Variants in DYNC1I1 observed in about 807,000 individuals in gnomAD.
The protein encoded by DYNC1I1 is dynein cytoplasmic 1 intermediate chain 1.
Under a neutral mutation model 86.6 loss-of-function variants are expected in DYNC1I1, and 43 were observed. The ratio of observed to expected loss-of-function variants is 0.50; its 90% CI spans 0.39 to 0.64. The LOEUF (loss-of-function observed/expected upper bound fraction) is 0.64. Ranked by LOEUF, DYNC1I1 falls within the 30% of genes least tolerant of loss-of-function variation. The pLI is 0.00. For synonymous variants in DYNC1I1, 262 were observed against 283.7 expected (o/e 0.92, Z 0.77); for missense variants, 604 against 788.8 (o/e 0.77, Z 2.81).
chr7:95,916,942 A>G (rs1355768611), intron 6 of DYNC1I1, among the ~76,000 whole-genome samples: 1 of 152,226 alleles, frequency 6.6e-6, no homozygotes, highest in African/African-American at 2.4e-5. Flanking sequence ...AAAGGCATCA[A>G]TAAAACCAGG....
At chr7:95,817,204 C>T (rs1363394535) in intron 4 of DYNC1I1, among the ~76,000 whole-genome samples, 1 of 144,606 alleles carries the variant, frequency 6.9e-6, no homozygotes, top group Non-Finnish European at 1.5e-5. Context: ...GGCAACATAA[C>T]ATCCAAGATT....
chr7:95,930,896 T>C (rs1478564042), intron 6 of DYNC1I1, among the ~76,000 whole-genome samples: 1 of 152,174 alleles, frequency 6.6e-6, no homozygotes, highest in Non-Finnish European at 1.5e-5. Flanking sequence ...CCATTGTTTC[T>C]TGTCTGTTAG....
chr7:95,847,598 G>C (rs559203915), intron 5 of DYNC1I1, among the ~76,000 whole-genome samples: 2 of 152,242 alleles, frequency 1.3e-5, no homozygotes, highest in East Asian at 3.9e-4. Context: ...ACTCCTCACT[G>C]TCTACAGCAT....
chr7:96,036,056 A>G (rs1373967614), intron 13 of DYNC1I1, among the ~76,000 whole-genome samples: 1 of 152,174 alleles, frequency 6.6e-6, no homozygotes, highest in Non-Finnish European at 1.5e-5. Context: ...CCCATCAGAG[A>G]TAACAATCCC....
At chr7:95,936,524 T>C (rs1330439845) in intron 6 of DYNC1I1, among the ~76,000 whole-genome samples, 1 of 151,432 alleles carries the variant, frequency 6.6e-6, no homozygotes, top group East Asian at 1.9e-4. Context: ...AAAAAGCATA[T>C]ACTGGAAAAA....
chr7:95,804,946 T>C, intron 2 of DYNC1I1, 109 bp downstream of exon 2: 2 of 1,424,234 alleles, frequency 1.4e-6, no homozygotes, highest in East Asian at 2.5e-5. Flanking sequence ...TTTTATGATA[T>C]CTGAATAAAA....
At chr7:95,964,007 G>A (rs1792940666) in intron 6 of DYNC1I1, among the ~76,000 whole-genome samples, 1 of 152,126 alleles carries the variant, frequency 6.6e-6, no homozygotes, top group Non-Finnish European at 1.5e-5. Flanking sequence ...ACAGACAAGA[G>A]ACTTCATATT....
intron 5 of DYNC1I1, 31 bp from the exon 6 acceptor site, chr7:95,869,850 CCT>C (rs749534280): frequency 2.9e-5 from 46 of 1,582,204 alleles, no homozygotes; most frequent in Non-Finnish European, 4.0e-5. Context: ...GAATGCCTCC[CCT>C]CTCTAAGCAT....
In DYNC1I1 at chr7:96,064,551, C is replaced by T. The variant is rs569697525; in HGVS notation, c.1510-11506C>T. 6.2e-4 allele frequency among the ~76,000 whole-genome samples: 95 copies of T among 152,190 alleles called. 4 individuals are homozygous for T. The South Asian group carries it at 0.019, about 31-fold the overall frequency. On this transcript the variant is annotated intron_variant, in intron 14 of 16. Transcript: ENST00000447467. The stretch of plus-strand genomic sequence containing the variant: ...TGCCATGACTGGGCAGCAAATGTGA[C>T]CTTCATCAGAGGTTACATCTCAAGG...
At chr7:95,834,152 C>T (rs1251588058) in intron 5 of DYNC1I1, among the ~76,000 whole-genome samples, 1 of 62,306 alleles carries the variant, frequency 1.6e-5, no homozygotes, top group Non-Finnish European at 2.9e-5. Context: ...CCCATCAATA[C>T]CTAATTTATT....
chr7:96,005,676 T>G (rs1367631023), intron 10 of DYNC1I1, among the ~76,000 whole-genome samples: 1 of 152,162 alleles, frequency 6.6e-6, no homozygotes, highest in Non-Finnish European at 1.5e-5. Context: ...TATATTATCG[T>G]GTATCCTACC....
intron 5 of DYNC1I1, among the ~76,000 whole-genome samples, chr7:95,844,432 C>A (rs1789373270): frequency 6.6e-6 from 1 of 152,186 alleles, no homozygotes; most frequent in Non-Finnish European, 1.5e-5. Context: ...TTCTTCCTGC[C>A]TGCTGCACAG....
intron 6 of DYNC1I1, among the ~76,000 whole-genome samples, chr7:95,961,231 G>C (rs1285147717): frequency 6.6e-6 from 1 of 152,148 alleles, no homozygotes; most frequent in African/African-American, 2.4e-5. Flanking sequence ...AGTGGAGAGA[G>C]CACTGGAGAG....
intron 6 of DYNC1I1, among the ~76,000 whole-genome samples, chr7:95,878,497 A>C (rs1193942795): frequency 1.3e-5 from 2 of 152,194 alleles, no homozygotes; most frequent in African/African-American, 4.8e-5. Flanking sequence ...AAGAATTAGC[A>C]AACTTCAAGA....
intron 16 of DYNC1I1, among the ~76,000 whole-genome samples, chr7:96,087,271 TA>T (rs1274803763): frequency 6.6e-6 from 1 of 152,152 alleles, no homozygotes; most frequent in Non-Finnish European, 1.5e-5. Context: ...TTTGGGAGGT[TA>T]ATTCAAACAA....
At chr7:95,780,469 G>C (rs1185274697) in intron 1 of DYNC1I1, among the ~76,000 whole-genome samples, 1 of 144,612 alleles carries the variant, frequency 6.9e-6, no homozygotes. Context: ...TAGTAGAGAC[G>C]GGGTTTCACC....
At chr7:96,021,440 G>A (rs1562974375) in intron 10 of DYNC1I1, among the ~76,000 whole-genome samples, 1 of 152,190 alleles carries the variant, frequency 6.6e-6, no homozygotes, top group African/African-American at 2.4e-5. Flanking sequence ...TCCAGACACA[G>A]TTGTCTTGAA....
chr7:95,798,779 A>G (rs1412858749), intron 1 of DYNC1I1, among the ~76,000 whole-genome samples: 1 of 152,196 alleles, frequency 6.6e-6, no homozygotes, highest in African/African-American at 2.4e-5. Flanking sequence ...GCAGCTGTGT[A>G]AACAGAACTA....
chr7:95,900,623 T>C (rs567198800), intron 6 of DYNC1I1, among the ~76,000 whole-genome samples: 1 of 152,278 alleles, frequency 6.6e-6, no homozygotes, highest in Admixed American at 6.5e-5. Flanking sequence ...AAAACTCATT[T>C]TGAATAATAT....
Sources: allele counts gnomAD v4.1 joint callset (sites outside exome capture counted in the v4.1 genomes callset), GRCh38; gene constraint gnomAD v4.1.1; transcripts MANE v1.5; gene names NCBI Gene and HGNC (gene_info 2026-07-23, HGNC 2026-07-21).